Variants in SEC24D observed in about 807,000 individuals in gnomAD.
The protein encoded by SEC24D is protein transport protein Sec24D.
SEC24D carries 69 observed loss-of-function variants against 116.9 expected under a neutral mutation model. The observed-to-expected ratio is 0.59, with a 90% CI of 0.49 to 0.72. The LOEUF is 0.72. Among genes scored for constraint, SEC24D ranks in the 30% least tolerant of loss-of-function variants. The pLI is 0.00. For missense variants in SEC24D, 1,131 were observed against 1,264.1 expected, an observed-to-expected ratio of 0.89 and a Z score of 1.60; for synonymous variants, 405 against 442.8, an observed-to-expected ratio of 0.91 and a Z score of 1.07.
At chr4:118,726,527 C>G (rs1339938067) in intron 22 of SEC24D, among the ~76,000 whole-genome samples, 1 of 151,916 alleles carries the variant, frequency 6.6e-6, no homozygotes, top group Admixed American at 6.6e-5. Context: ...TGCCGGTGTT[C>G]AATAAATATT....
intron 8 of SEC24D, among the ~76,000 whole-genome samples, chr4:118,792,312 TG>T (rs531394145): frequency 1.7e-4 from 21 of 123,976 alleles, no homozygotes; most frequent in Admixed American, 1.7e-3. Context: ...GTCCGGGAGG[TG>T]GGGGGGCGCC....
intron 8 of SEC24D, among the ~76,000 whole-genome samples, chr4:118,781,989 G>GT (rs1329415627): frequency 1.3e-5 from 2 of 152,082 alleles, no homozygotes; most frequent in Admixed American, 6.6e-5. Context: ...TTCGTCTAAT[G>GT]TTTTTTCAAG....
intron 8 of SEC24D, among the ~76,000 whole-genome samples, chr4:118,792,293 AG>A (rs1728958302): frequency 7.0e-6 from 1 of 141,962 alleles, no homozygotes; most frequent in African/African-American, 2.6e-5. Context: ...CCGCCCGGCC[AG>A]CTGCCCCGTC....
intron 22 of SEC24D, 24 bp downstream of exon 22, chr4:118,728,537 G>A: frequency 1.4e-6 from 2 of 1,438,336 alleles, no homozygotes; most frequent in South Asian, 1.2e-5. Flanking sequence ...TTGAATAAAG[G>A]GAAAAATAAA....
chr4:118,789,384 G>A (rs945297474), intron 8 of SEC24D, among the ~76,000 whole-genome samples: 10 of 152,230 alleles, frequency 6.6e-5, no homozygotes, highest in African/African-American at 2.4e-4. Context: ...CAGGTGACAT[G>A]TAAAGACCAT....
chr4:118,791,677 G>A (rs552744987), intron 8 of SEC24D, among the ~76,000 whole-genome samples: 21 of 152,198 alleles, frequency 1.4e-4, no homozygotes, highest in East Asian at 5.8e-4. Context: ...GGCACGCGCC[G>A]CCACGCCTGA....
intron 13 of SEC24D, among the ~76,000 whole-genome samples, chr4:118,746,033 G>C (rs59168173): frequency 0.044 from 6,693 of 152,024 alleles, 500 homozygotes; most frequent in African/African-American, 0.15. Context: ...AAGACTAGCT[G>C]AGCATGGTGA....
At chr4:118,813,058 T>A (rs149401220) in intron 6 of SEC24D, among the ~76,000 whole-genome samples, 574 of 152,298 alleles carry the variant, frequency 3.8e-3, no homozygotes, top group Non-Finnish European at 6.2e-3. Flanking sequence ...CATTACCTCA[T>A]ATGGCAAAAT....
At chr4:118,748,829 C>T (rs997511746) in intron 13 of SEC24D, among the ~76,000 whole-genome samples, 37 of 152,090 alleles carry the variant, frequency 2.4e-4, no homozygotes, top group African/African-American at 8.7e-4. Context: ...GTTTCTCCAA[C>T]CCCCATTGAG....
chr4:118,807,657 T>C (rs1440435357), intron 6 of SEC24D, among the ~76,000 whole-genome samples: 16 of 152,194 alleles, frequency 1.1e-4, no homozygotes, highest in Non-Finnish European at 2.4e-4. Flanking sequence ...CTCTGAAATG[T>C]TGCTTTCTCT....
rs1725250679 is a variant in SEC24D at position 118,723,553 on chromosome 4, A to G, written c.3061T>C (p.Cys1021Arg). Residue 1021 changes from cysteine (C) to arginine (R), a missense_variant, in exon 23 of 23, where the codon TGT (cysteine) becomes CGT (arginine). Cys to Arg is a radical substitution (Grantham distance 180, BLOSUM62 -3). Transcript: ENST00000280551. Reference protein sequence around the residue: ...YGGSSYVDFLCCVHKEICQLL... With the variant: ...YGGSSYVDFLRCVHKEICQLL... ...TGACAGATCTCCTTGTGAACACAAC[A>G]AAGGAAATCCACATAAGAAGAGCCT... 6.2e-7 allele frequency: 1 copy of G among 1,613,816 alleles called. No individual in the cohort carries two copies. Among genetic ancestry groups the G allele is most frequent in the Admixed American group, 1.7e-5 (1 of 59,990 alleles).
chr4:118,785,851 T>C (rs1348514202), intron 8 of SEC24D, among the ~76,000 whole-genome samples: 3 of 152,128 alleles, frequency 2.0e-5, no homozygotes. Flanking sequence ...ATGTATACAG[T>C]TTCTAAGTAA....
chr4:118,795,209 T>G (rs1729121558), intron 8 of SEC24D, among the ~76,000 whole-genome samples: 1 of 147,772 alleles, frequency 6.8e-6, no homozygotes, highest in Non-Finnish European at 1.5e-5. Context: ...CATAAAAACT[T>G]TTTTTTTTTT....
In SEC24D at chr4:118,739,014, C is replaced by T. The variant is rs1464068462; in HGVS notation, c.2377+135G>A. The T allele has an allele frequency of 2.0e-5, 16 of 785,336 alleles. No individual in the cohort carries two copies. In the Admixed American group the frequency reaches 3.4e-4, roughly 16 times the overall value. 48.6% of individuals were successfully genotyped at this position (785,336 alleles called of 1,614,324 possible). On this transcript the variant is annotated intron_variant, in intron 18 of 22. Coordinates refer to ENST00000280551, the MANE Select transcript of SEC24D (RefSeq NM_014822.4). ...GAGTTAGGAATGCTGACTATTCTCT[C>T]TCAGCCTTTGCTTTTATTAGTTCTG...
intron 7 of SEC24D, among the ~76,000 whole-genome samples, chr4:118,798,887 C>T (rs1301073192): frequency 1.3e-5 from 2 of 152,210 alleles, no homozygotes; most frequent in African/African-American, 4.8e-5. Flanking sequence ...TGGAATGGAG[C>T]CACTGTGGGG....
At chr4:118,767,099 A>G (rs1201506798) in intron 9 of SEC24D, among the ~76,000 whole-genome samples, 1 of 152,236 alleles carries the variant, frequency 6.6e-6, no homozygotes, top group Non-Finnish European at 1.5e-5. Flanking sequence ...ATTCAACTCC[A>G]CAGCAAGGTG....
chr4:118,742,488 AG>A (rs1215462907), intron 15 of SEC24D, among the ~76,000 whole-genome samples: 3 of 152,214 alleles, frequency 2.0e-5, no homozygotes, highest in African/African-American at 7.2e-5. Context: ...AGAATCAGTA[AG>A]GGTCAGAATT....
At chr4:118,802,800 A>G (rs975766695) in intron 7 of SEC24D, among the ~76,000 whole-genome samples, 1 of 152,252 alleles carries the variant, frequency 6.6e-6, no homozygotes, top group Non-Finnish European at 1.5e-5. Flanking sequence ...GTAAATATCC[A>G]CAGCAGCATT....
At chr4:118,772,382 G>C (rs1043049726) in intron 8 of SEC24D, among the ~76,000 whole-genome samples, 4 of 152,122 alleles carry the variant, frequency 2.6e-5, no homozygotes, top group African/African-American at 9.7e-5. Flanking sequence ...AACTGAACTT[G>C]CTTTTCTCAA....
Sources: gnomAD v4.1 joint callset for allele counts (sites outside exome capture counted in the v4.1 genomes callset) on GRCh38, gnomAD v4.1.1 for gene constraint, MANE v1.5 for transcripts, NCBI Gene and HGNC (gene_info 2026-07-23, HGNC 2026-07-21) for gene names.